Variants in WNT9B observed in about 807,000 individuals in gnomAD.
The protein encoded by WNT9B is Wnt family member 9B, also known as protein Wnt-9b.
A neutral mutation model predicts 30.2 loss-of-function variants in WNT9B; 12 were observed. That is an observed-to-expected ratio of 0.40 (90% CI 0.26 to 0.64). The LOEUF (loss-of-function observed/expected upper bound fraction) is 0.64, where lower values mean the gene tolerates loss of function less well. Ranked by LOEUF, WNT9B falls within the 30% of genes least tolerant of loss-of-function variation. WNT9B has a pLI of 0.42. For missense variants in WNT9B, 442 were observed against 485.2 expected, an observed-to-expected ratio of 0.91 and a Z score of 0.84; for synonymous variants, 218 against 216.9, an observed-to-expected ratio of 1.01 and a Z score of -0.05.
intron 1 of WNT9B, among the ~76,000 whole-genome samples, chr17:46,871,791 C>T (rs1466993177): frequency 6.6e-6 from 1 of 152,206 alleles, no homozygotes; most frequent in Non-Finnish European, 1.5e-5. Context: ...GATGGGAATT[C>T]AGCTCCTTCA....
intron 1 of WNT9B, among the ~76,000 whole-genome samples, chr17:46,870,391 T>C (rs61619946): frequency 0.27 from 40,462 of 151,940 alleles, 6,224 homozygotes; most frequent in East Asian, 0.52. Flanking sequence ...ACTCTGAGGA[T>C]TTCCTGCCAG....
intron 1 of WNT9B, among the ~76,000 whole-genome samples, chr17:46,865,014 C>T (rs2085108140): frequency 6.6e-6 from 1 of 152,158 alleles, no homozygotes; most frequent in Admixed American, 6.5e-5. Context: ...TGTTTACAGT[C>T]ACAGACTCAT....
rs368158766 is a variant in WNT9B, at chr17:46,875,141, C to T, written c.375C>T (p.Ala125=). The stretch of plus-strand genomic sequence containing the variant: ...CTTTCCTGTACGCGGTGTCCTCTGC[C>T]GCCCTCACCCACACCCTGGCCCGGG... ...ETAFLYAVSS[A]ALTHTLARAC... Residue 125 remains alanine, a synonymous_variant, in exon 3 of 4, where the codon GCC becomes GCT. Transcript: ENST00000290015. The T allele has an allele frequency of 1.9e-5, 31 of 1,613,874 alleles. No individual in the cohort carries two copies. Among genetic ancestry groups the T allele is most frequent in the African/African-American group, 1.7e-4 (13 of 74,942 alleles).
In WNT9B at chr17:46,879,525, A is replaced by G. The variant is rs751192425; in HGVS notation, c.*2807A>G. Among the ~76,000 whole-genome samples the G allele has an allele frequency of 3.3e-5, 5 of 152,222 alleles. No individual in the cohort carries two copies. The highest frequency in any genetic ancestry group is 4.8e-5 in the African/African-American group (2 of 41,464). Reference sequence around the variant, plus strand: ...TTGTAAAGCACTTTGCTATTTAGAAACAAAAACTTTTACCCCTTTCATCTC... The same window carrying G: ...TTGTAAAGCACTTTGCTATTTAGAAGCAAAAACTTTTACCCCTTTCATCTC... On this transcript the variant is annotated 3_prime_UTR_variant, in exon 4 of 4. Coordinates refer to ENST00000290015, the MANE Select transcript of WNT9B (RefSeq NM_003396.3).
chr17:46,876,617 C>T lies in WNT9B; in HGVS notation c.973C>T (p.Arg325Cys), dbSNP rs369957679. Residue 325 changes from arginine to cysteine, a missense_variant, in exon 4 of 4, where the codon CGC becomes TGC. Transcript: ENST00000290015. ...CGGGCGGGGCTATGACACCCAGAGCCGCCTGGTGGCCTTCTCCTGCCACTG... is the reference window on the plus strand; with the variant it reads ...CGGGCGGGGCTATGACACCCAGAGCTGCCTGGTGGCCTTCTCCTGCCACTG... ...CCGRGYDTQSRLVAFSCHCQV... is the reference protein window; with the variant it reads ...CCGRGYDTQSCLVAFSCHCQV... 95 of 1,611,178 alleles carry T rather than the reference C, an allele frequency of 5.9e-5. No homozygotes were observed. Among genetic ancestry groups the T allele is most frequent in the East Asian group, 2.2e-4 (10 of 44,804 alleles).
At chr17:46,847,227 G>A (rs1237508375), upstream of WNT9B, among the ~76,000 whole-genome samples, 1 of 152,182 alleles carries the variant, frequency 6.6e-6, no homozygotes, top group African/African-American at 2.4e-5. Flanking sequence ...CCCTGGAGGG[G>A]ATTCTGAAGC....
chr17:46,885,081 C>T (rs755515767), downstream of WNT9B: 47 of 438,520 alleles, frequency 1.1e-4, no homozygotes, highest in Admixed American at 4.7e-4. Context: ...CTCCACCTCC[C>T]GGATTCAAGC....
At chr17:46,869,175 C>T (rs1367383444) in intron 1 of WNT9B, among the ~76,000 whole-genome samples, 2 of 152,192 alleles carry the variant, frequency 1.3e-5, no homozygotes, top group African/African-American at 4.8e-5. Flanking sequence ...GGCTACCTTT[C>T]CTGGTCATTA....
intron 1 of WNT9B, among the ~76,000 whole-genome samples, chr17:46,863,610 T>C (rs1339672822): frequency 6.6e-6 from 1 of 152,160 alleles, no homozygotes; most frequent in East Asian, 1.9e-4. Context: ...ATACTAGAGC[T>C]GTCTGGGACC....
chr17:46,868,176 C>T (rs374051631), intron 1 of WNT9B, among the ~76,000 whole-genome samples: 1 of 152,270 alleles, frequency 6.6e-6, no homozygotes, highest in South Asian at 2.1e-4. Context: ...AGCCCCCAGC[C>T]CAGAAGAGCA....
At chr17:46,844,386 T>A (rs774772195) in intron 1 of WNT9B, among the ~76,000 whole-genome samples, 28 of 151,752 alleles carry the variant, frequency 1.8e-4, no homozygotes, top group Non-Finnish European at 3.4e-4. Context: ...GTCTCTCCTT[T>A]GTTTAAAGAA....
At chr17:46,886,501 C>CAA (rs1050236984) in exon 5 of WNT9B, 2 of 152,070 alleles carry the variant, frequency 1.3e-5, no homozygotes, top group African/African-American at 2.4e-5. Flanking sequence ...AAAGTGGTAA[C>CAA]AAATAGCTGA....
chr17:46,834,153 C>T (rs2084593444), intron 1 of WNT9B, among the ~76,000 whole-genome samples: 1 of 152,062 alleles, frequency 6.6e-6, no homozygotes, highest in African/African-American at 2.4e-5. Flanking sequence ...TAGGATGGCA[C>T]CACTACACTC....
At chr17:46,851,019 T>C (rs570816713), upstream of WNT9B, among the ~76,000 whole-genome samples, 1 of 152,330 alleles carries the variant, frequency 6.6e-6, no homozygotes, top group African/African-American at 2.4e-5. This position sits in a 1 kb window ranked among gnomAD's most constrained non-coding sequence, Gnocchi z 4.3. Context: ...ACTCTTTGCC[T>C]GGCAACAGGG....
At chr17:46,882,321 C>T (rs971303819), downstream of WNT9B, among the ~76,000 whole-genome samples, 4 of 152,218 alleles carry the variant, frequency 2.6e-5, no homozygotes, top group African/African-American at 9.6e-5. Flanking sequence ...AGAGTCCAGG[C>T]TGCATGTCTC....
At position 46,877,113 on chromosome 17, in the gene WNT9B, G is replaced by C; in HGVS notation, c.*395G>C. On this transcript the variant is annotated 3_prime_UTR_variant, in exon 4 of 4. Coordinates refer to ENST00000290015, the MANE Select transcript of WNT9B (RefSeq NM_003396.3). ...CCAGCATGTTCTTGGGAGGTGAACT[G>C]CTGGGCTAGGAATGCCAAGGCAGGC... 3 of 1,025,756 alleles carry C rather than the reference G, an allele frequency of 2.9e-6. No homozygotes were observed. Among genetic ancestry groups the C allele is most frequent in the Non-Finnish European group, 3.5e-6 (3 of 856,066 alleles). 63.5% of individuals were successfully genotyped at this position (1,025,756 alleles called of 1,614,324 possible).
At chr17:46,839,946 TTC>T (rs1307585443) in intron 1 of WNT9B, among the ~76,000 whole-genome samples, 1 of 149,950 alleles carries the variant, frequency 6.7e-6, no homozygotes, top group Non-Finnish European at 1.5e-5. Context: ...CTTTCTTTCT[TTC>T]TTTCTTTCTT....
chr17:46,884,267 A>C (rs1156831425), downstream of WNT9B, among the ~76,000 whole-genome samples: 3 of 152,068 alleles, frequency 2.0e-5, no homozygotes, highest in Non-Finnish European at 4.4e-5. Flanking sequence ...TTTAATTCAG[A>C]AGCTGATTTC....
chr17:46,883,281 CT>C (rs75762235), downstream of WNT9B, among the ~76,000 whole-genome samples: 222 of 142,450 alleles, frequency 1.6e-3, no homozygotes, highest in Middle Eastern at 0.019. Context: ...TGCGCCCGGC[CT>C]TTTTTTTTTT....
Sources: allele counts gnomAD v4.1 joint callset (sites outside exome capture counted in the v4.1 genomes callset), GRCh38; gene constraint gnomAD v4.1.1; non-coding constraint Gnocchi (gnomAD v3.1); transcripts MANE v1.5; gene names NCBI Gene and HGNC (gene_info 2026-07-23, HGNC 2026-07-21).